The following PVT1 variants were observed in gnomAD, a reference collection of about 807,000 sequenced individuals.
PVT1 encodes Pvt1 oncogene.
intron 4 of PVT1, among the ~76,000 whole-genome samples, chr8:128,014,911 G>T (rs1168186570): frequency 6.6e-6 from 1 of 152,198 alleles, no homozygotes; most frequent in South Asian, 2.1e-4. Flanking sequence ...CCACAAGCTG[G>T]GTGCTGTGGA....
intron 2 of PVT1, among the ~76,000 whole-genome samples, chr8:127,817,004 G>A (rs1352727196): frequency 6.6e-6 from 1 of 152,034 alleles, no homozygotes; most frequent in Non-Finnish European, 1.5e-5. Flanking sequence ...TTGTTCGCAG[G>A]TGTCCCCCCA....
intron 4 of PVT1, among the ~76,000 whole-genome samples, chr8:128,044,022 T>A (rs1006431977): frequency 9.4e-5 from 14 of 148,890 alleles, no homozygotes; most frequent in Admixed American, 6.7e-4. Context: ...TTTATTTTTT[T>A]TTTTTTTTGT....
chr8:127,816,118 C>G (rs374048226), intron 2 of PVT1, among the ~76,000 whole-genome samples: 1 of 94,480 alleles, frequency 1.1e-5, no homozygotes, highest in Non-Finnish European at 2.0e-5. Flanking sequence ...AGTGAGACTC[C>G]GTCTCAACAC....
At chr8:128,095,897 A>G (rs1814422318) in intron 5 of PVT1, among the ~76,000 whole-genome samples, 1 of 152,218 alleles carries the variant, frequency 6.6e-6, no homozygotes, top group South Asian at 2.1e-4. Flanking sequence ...CTCTTTCGGC[A>G]TGGTCAGAGC....
chr8:127,976,672 A>G (rs747049716), intron 3 of PVT1, among the ~76,000 whole-genome samples: 2 of 152,186 alleles, frequency 1.3e-5, no homozygotes, highest in African/African-American at 4.8e-5. Context: ...GGTCATGTTC[A>G]GTTCTGACAG....
chr8:127,887,575 G>A (rs1161090102), intron 2 of PVT1, among the ~76,000 whole-genome samples: 3 of 152,058 alleles, frequency 2.0e-5, no homozygotes, highest in Non-Finnish European at 4.4e-5. Context: ...ACCCAGGCTG[G>A]GGTGCAGTGG....
At chr8:128,048,717 G>A (rs1029440565) in intron 4 of PVT1, 11 of 153,206 alleles carry the variant, frequency 7.2e-5, no homozygotes, top group African/African-American at 2.7e-4. Flanking sequence ...ATCTGTAAAG[G>A]AAGCTAAAAA....
At chr8:127,900,738 C>T (rs1286654605) in intron 3 of PVT1, among the ~76,000 whole-genome samples, 3 of 152,180 alleles carry the variant, frequency 2.0e-5, no homozygotes, top group African/African-American at 7.2e-5. Context: ...CTGGGTGTGT[C>T]CCAGGAGTAC....
chr8:127,923,212 A>G (rs1254494009), intron 3 of PVT1, among the ~76,000 whole-genome samples: 1 of 152,204 alleles, frequency 6.6e-6, no homozygotes, highest in Non-Finnish European at 1.5e-5. Flanking sequence ...GTCACCGTTG[A>G]GTTCATCATA....
At chr8:127,862,778 T>C (rs1159860815) in intron 2 of PVT1, among the ~76,000 whole-genome samples, 1 of 152,244 alleles carries the variant, frequency 6.6e-6, no homozygotes, top group Non-Finnish European at 1.5e-5. Context: ...CTGGTGTGGT[T>C]GGCCAGCTTT....
chr8:127,985,625 G>A (rs946907338), intron 3 of PVT1, among the ~76,000 whole-genome samples: 1 of 152,072 alleles, frequency 6.6e-6, no homozygotes, highest in African/African-American at 2.4e-5. Context: ...GTGGGGGCCA[G>A]GCTCTGCTGA....
rs116375694 is a variant in PVT1, at chr8:127,858,856, G to A, written n.373-31733G>A. Among the ~76,000 whole-genome samples the A allele has an allele frequency of 4.7e-3, 604 of 128,132 alleles. 4 individuals are homozygous for A. The highest frequency in any genetic ancestry group is 0.018 in the African/African-American group (574 of 32,658). 84.1% of individuals were successfully genotyped at this position (128,132 alleles called of 152,430 possible). A position where few individuals can be genotyped will look rare whatever the true frequency, so the allele number is the denominator to read the frequency against. On this transcript the variant is annotated intron_variant and non_coding_transcript_variant, in intron 2 of 10. Coordinates refer to ENST00000651587, the Ensembl canonical transcript of PVT1. ...TTTGAGACAGGGTCTTGCTTAGGCCGGAGAGCAGTGGTGCTATCATAGCTC... is the reference window on the plus strand; with the variant it reads ...TTTGAGACAGGGTCTTGCTTAGGCCAGAGAGCAGTGGTGCTATCATAGCTC...
At chr8:127,961,179 G>C (rs1358406446) in intron 3 of PVT1, among the ~76,000 whole-genome samples, 2 of 152,164 alleles carry the variant, frequency 1.3e-5, no homozygotes, top group African/African-American at 4.8e-5. Context: ...TGCTGAGGGC[G>C]ATGGTCTCAT....
intron 4 of PVT1, among the ~76,000 whole-genome samples, chr8:128,049,930 G>C (rs1309553900): frequency 6.6e-6 from 1 of 152,130 alleles, no homozygotes; most frequent in Admixed American, 6.5e-5. Context: ...GGACACTGCT[G>C]TATCCCCTGA....
intron 2 of PVT1, among the ~76,000 whole-genome samples, chr8:127,876,561 G>A (rs924846192): frequency 4.6e-5 from 7 of 150,806 alleles, no homozygotes; most frequent in Admixed American, 4.0e-4. Flanking sequence ...ATCTCCTCCC[G>A]CTTTCGTCCT....
At chr8:128,063,382 G>A (rs1399663731) in intron 4 of PVT1, among the ~76,000 whole-genome samples, 3 of 152,226 alleles carry the variant, frequency 2.0e-5, no homozygotes, top group African/African-American at 7.2e-5. Flanking sequence ...TGCGGTGGAG[G>A]ACGCCTACAG....
intron 3 of PVT1, among the ~76,000 whole-genome samples, chr8:127,939,062 GA>G (rs1816312198): frequency 6.6e-6 from 1 of 152,228 alleles, no homozygotes; most frequent in African/African-American, 2.4e-5. Context: ...GGACTATGGG[GA>G]TTGGACCAAG....
At chr8:127,926,494 C>A (rs1399421220) in intron 3 of PVT1, among the ~76,000 whole-genome samples, 1 of 152,226 alleles carries the variant, frequency 6.6e-6, no homozygotes, top group African/African-American at 2.4e-5. Flanking sequence ...TGCACCAGCC[C>A]TGGCTGACTC....
intron 2 of PVT1, among the ~76,000 whole-genome samples, chr8:127,888,138 C>T (rs971062635): frequency 6.6e-6 from 1 of 151,814 alleles, no homozygotes; most frequent in African/African-American, 2.4e-5. Flanking sequence ...GACGGGGTTT[C>T]ACCGTGTTAG....
Sources: allele counts gnomAD v4.1 joint callset (sites outside exome capture counted in the v4.1 genomes callset), GRCh38; gene constraint gnomAD v4.1.1; transcripts MANE v1.5; gene names NCBI Gene and HGNC (gene_info 2026-07-23, HGNC 2026-07-21).